Variants in SLC30A10 observed in about 807,000 individuals in gnomAD.
The protein encoded by SLC30A10 is solute carrier family 30 member 10.
In SLC30A10, 8 loss-of-function variants were observed where a neutral mutation model predicts 21.7. The observed-to-expected ratio is 0.37, with a 90% CI of 0.22 to 0.67. The LOEUF is 0.67. Among genes scored for constraint, SLC30A10 ranks in the 30% least tolerant of loss-of-function variants. SLC30A10 has a pLI of 0.58. For missense variants in SLC30A10, 521 were observed against 642.5 expected (o/e 0.81, Z 2.04); for synonymous variants, 272 against 279.4 (o/e 0.97, Z 0.26).
intron 1 of SLC30A10, among the ~76,000 whole-genome samples, chr1:219,946,314 G>A (rs1660186016): frequency 6.6e-6 from 1 of 152,174 alleles, no homozygotes; most frequent in Non-Finnish European, 1.5e-5. Flanking sequence ...AGTCATTGAG[G>A]GTATCTAAAT....
chr1:219,917,230 A>G (rs773962340), intron 3 of SLC30A10, among the ~76,000 whole-genome samples: 10 of 152,034 alleles, frequency 6.6e-5, no homozygotes, highest in Admixed American at 3.9e-4. Context: ...GCCTTATGCA[A>G]TCCTTCCACT....
At chr1:219,944,063 G>A (rs891354076) in intron 1 of SLC30A10, among the ~76,000 whole-genome samples, 9 of 150,560 alleles carry the variant, frequency 6.0e-5, no homozygotes, top group Non-Finnish European at 8.9e-5. Flanking sequence ...TCATGCCACT[G>A]CACTCCAGCC....
chr1:219,928,697 C>T, upstream of SLC30A10: 2 of 419,904 alleles, frequency 4.8e-6, no homozygotes, highest in Non-Finnish European at 8.3e-6. The surrounding 1 kb of genome is among the most constrained non-coding windows in gnomAD (Gnocchi z 6.3). Flanking sequence ...TTTCCCCTCC[C>T]TCGCGGCCTG....
chr1:219,949,463 T>G (rs1165825939), intron 1 of SLC30A10, among the ~76,000 whole-genome samples: 2 of 152,146 alleles, frequency 1.3e-5, no homozygotes, highest in Non-Finnish European at 2.9e-5. Context: ...TGTAGGGACA[T>G]GAATGAAATT....
At chr1:219,930,066 C>T (rs897306585), upstream of SLC30A10, among the ~76,000 whole-genome samples, 1 of 152,266 alleles carries the variant, frequency 6.6e-6, no homozygotes, top group East Asian at 1.9e-4. Flanking sequence ...TATTCTCCTT[C>T]CCCATCCCTA....
At chr1:219,957,399 C>T (rs1660367788) in intron 1 of SLC30A10, among the ~76,000 whole-genome samples, 1 of 152,104 alleles carries the variant, frequency 6.6e-6, no homozygotes, top group African/African-American at 2.4e-5. Context: ...TCCCCATACT[C>T]AGTTATATAA....
intron 1 of SLC30A10, among the ~76,000 whole-genome samples, chr1:219,938,773 G>A (rs1007893074): frequency 2.7e-5 from 4 of 150,376 alleles, no homozygotes; most frequent in African/African-American, 7.6e-5. Flanking sequence ...TAAGTTGGCA[G>A]GAACCTTGAG....
intron 1 of SLC30A10, among the ~76,000 whole-genome samples, chr1:219,943,460 C>A (rs1660146296): frequency 6.6e-6 from 1 of 152,116 alleles, no homozygotes; most frequent in African/African-American, 2.4e-5. Flanking sequence ...AGCAGCACCC[C>A]TTCCACCAGC....
upstream of SLC30A10, chr1:219,928,564 CCGGCCCTG>C: frequency 1.1e-6 from 1 of 882,348 alleles, no homozygotes; most frequent in Non-Finnish European, 1.6e-6. The surrounding 1 kb of genome is among the most constrained non-coding windows in gnomAD (Gnocchi z 6.3). Flanking sequence ...GATTGTCTCG[CCGGCCCTG>C]CCCCACCGCT....
intron 1 of SLC30A10, among the ~76,000 whole-genome samples, chr1:219,942,434 A>G (rs1046634316): frequency 1.3e-5 from 2 of 152,166 alleles, no homozygotes; most frequent in African/African-American, 4.8e-5. Context: ...TCAAATAAAC[A>G]AACAAAAACC....
chr1:219,945,000 A>G (rs2102544303), intron 1 of SLC30A10, among the ~76,000 whole-genome samples: 1 of 152,344 alleles, frequency 6.6e-6, no homozygotes, highest in African/African-American at 2.4e-5. Flanking sequence ...GCAATAAAAA[A>G]CAACAACTGA....
intron 1 of SLC30A10, among the ~76,000 whole-genome samples, chr1:219,957,006 C>T (rs1165608992): frequency 2.0e-5 from 3 of 152,170 alleles, no homozygotes; most frequent in African/African-American, 7.2e-5. Flanking sequence ...GAAATCATCT[C>T]TCTTGCCTTA....
chr1:219,915,738 G>A lies in SLC30A10; in HGVS notation c.1169C>T (p.Pro390Leu). The A allele has an allele frequency of 6.2e-7, 1 of 1,614,136 alleles. No individual in the cohort carries two copies. The highest frequency in any genetic ancestry group is 1.1e-5 in the South Asian group (1 of 91,076). The stretch of plus-strand genomic sequence containing the variant: ...CAACAGTAAGTCCTTCTGCTCCAGG[G>A]GTTCCTTCAAGTCCACATTTTCAAA... Reference protein sequence around the residue: ...IQFENVDLKEPLEQKDLLLLC... With the variant: ...IQFENVDLKELLEQKDLLLLC... Residue 390 changes from proline (P) to leucine (L), a missense_variant, in exon 4 of 4, where the codon CCC (proline) becomes CTC (leucine). Coordinates refer to ENST00000366926, the MANE Select transcript of SLC30A10 (RefSeq NM_018713.3).
chr1:219,915,232 G>C lies in SLC30A10; in HGVS notation c.*217C>G. ...GCATGTTCAAGCTGAAACAGTCAAA[G>C]AGCAGCATGAGACACCCAGGGGAAT... On this transcript the variant is annotated 3_prime_UTR_variant, in exon 4 of 4. Coordinates refer to ENST00000366926, the MANE Select transcript of SLC30A10 (RefSeq NM_018713.3). 1 of 591,592 alleles carries C rather than the reference G, an allele frequency of 1.7e-6. No homozygotes were observed. The allele number at this position is 591,592 out of a possible 1,614,324, so 36.6% of individuals were successfully genotyped here.
At chr1:219,935,594 G>C (rs949366513) in intron 1 of SLC30A10, among the ~76,000 whole-genome samples, 9 of 152,192 alleles carry the variant, frequency 5.9e-5, no homozygotes, top group Admixed American at 2.6e-4. Flanking sequence ...TTCTAAGCTA[G>C]ATATAGAGGT....
intron 1 of SLC30A10, among the ~76,000 whole-genome samples, chr1:219,934,313 A>G (rs992736691): frequency 6.6e-6 from 1 of 151,614 alleles, no homozygotes; most frequent in African/African-American, 2.4e-5. Context: ...TACCAAAAAA[A>G]TTAGCCGGGC....
chr1:219,946,964 G>A (rs1660193209), intron 1 of SLC30A10, among the ~76,000 whole-genome samples: 1 of 152,178 alleles, frequency 6.6e-6, no homozygotes, highest in Admixed American at 6.5e-5. Context: ...GCTCTGGTCA[G>A]CATGTGTGGA....
intron 1 of SLC30A10, among the ~76,000 whole-genome samples, chr1:219,939,614 G>A (rs1392837828): frequency 2.6e-5 from 4 of 152,102 alleles, no homozygotes; most frequent in African/African-American, 9.7e-5. Context: ...ATTTTTAGTA[G>A]AGAGGGGGTT....
chr1:219,928,575 C>A, upstream of SLC30A10: 2 of 794,294 alleles, frequency 2.5e-6, no homozygotes, highest in Non-Finnish European at 3.6e-6. The surrounding 1 kb of genome is among the most constrained non-coding windows in gnomAD (Gnocchi z 6.3). Flanking sequence ...CGGCCCTGCC[C>A]CACCGCTTTT....
Sources: allele counts gnomAD v4.1 joint callset (sites outside exome capture counted in the v4.1 genomes callset), GRCh38; gene constraint gnomAD v4.1.1; non-coding constraint Gnocchi (gnomAD v3.1); transcripts MANE v1.5; gene names NCBI Gene and HGNC (gene_info 2026-07-23, HGNC 2026-07-21).